GSDMC: variants seen among roughly 807,000 people sequenced by gnomAD.
The protein encoded by GSDMC is gasdermin C, also known as gasdermin-C.
In GSDMC, 59 loss-of-function variants were observed where a neutral mutation model predicts 58.0. That is an observed-to-expected ratio of 1.02 (90% CI 0.82 to 1.26). GSDMC has a LOEUF of 1.26. Among genes scored for constraint, GSDMC ranks in the 50% most tolerant of loss-of-function variants. The pLI, the probability that GSDMC is intolerant of heterozygous loss-of-function variation, is 0.00. For synonymous variants in GSDMC, 241 were observed against 220.2 expected (o/e 1.09, Z -0.83); for missense variants, 659 against 598.5 (o/e 1.10, Z -1.06).
At chr8:129,741,356 G>A in the GSDMC span, among the ~76,000 whole-genome samples, 3 of 151,812 alleles carry the variant, frequency 2.0e-5, no homozygotes, top group African/African-American at 7.3e-5. Flanking sequence ...TGAATTTGGG[G>A]GTTTTTTTCT....
chr8:129,735,239 CAG>C, the GSDMC span, among the ~76,000 whole-genome samples: 1 of 152,176 alleles, frequency 6.6e-6, no homozygotes, highest in African/African-American at 2.4e-5. Flanking sequence ...TAATATTAGA[CAG>C]ATCAACGAGA....
At chr8:129,782,573 A>G (rs1445783172) in intron 1 of GSDMC, among the ~76,000 whole-genome samples, 1 of 152,188 alleles carries the variant, frequency 6.6e-6, no homozygotes, top group Non-Finnish European at 1.5e-5. Flanking sequence ...GGCAGCTACT[A>G]TGAGCAACTA....
chr8:129,708,407 C>T, the GSDMC span, among the ~76,000 whole-genome samples: 3,434 of 152,304 alleles, frequency 0.023, 136 homozygotes, highest in African/African-American at 0.077. Context: ...ATGGCAAATG[C>T]GGCTCTGTCT....
chr8:129,716,076 C>A, the GSDMC span, among the ~76,000 whole-genome samples: 1 of 152,002 alleles, frequency 6.6e-6, no homozygotes, highest in African/African-American at 2.4e-5. Context: ...ATTACTCATT[C>A]CGAAAGAAGG....
intron 3 of GSDMC, among the ~76,000 whole-genome samples, chr8:129,767,890 A>G (rs1315339730): frequency 3.3e-5 from 5 of 152,158 alleles, no homozygotes; most frequent in Non-Finnish European, 5.9e-5. Flanking sequence ...CCAATTATAT[A>G]CCCTGAACAA....
At chr8:129,705,525 C>A in the GSDMC span, 1 of 153,024 alleles carries the variant, frequency 6.5e-6, no homozygotes, top group African/African-American at 2.4e-5. Context: ...GAAGGGGAAG[C>A]AAACACGTCC....
chr8:129,750,864 T>A (rs2033161560), intron 10 of GSDMC, among the ~76,000 whole-genome samples: 1 of 152,210 alleles, frequency 6.6e-6, no homozygotes. Flanking sequence ...AGTGGTCATT[T>A]CTGGGACATG....
intron 6 of GSDMC, among the ~76,000 whole-genome samples, chr8:129,760,315 C>G (rs1230073361): frequency 6.6e-6 from 1 of 151,990 alleles, no homozygotes; most frequent in Non-Finnish European, 1.5e-5. Flanking sequence ...AACAGGGTGA[C>G]TACAGTCAAA....
Position 129,777,457 on chromosome 8 carries a change from T to C in GSDMC, c.131A>G (p.Asp44Gly), listed in dbSNP as rs750087595. The C allele has an allele frequency of 5.6e-6, 9 of 1,613,348 alleles. No individual in the cohort carries two copies. The South Asian group carries it at 9.9e-5, about 18-fold the overall frequency. ...RQFVILRKKKDSRSSFWEQSD... is the reference protein window; with the variant it reads ...RQFVILRKKKGSRSSFWEQSD... ...TTGTTCCCAAAATGATGAACGAGAATCCTTCTTCTTTCGTAATATAACAAA... is the reference window on the plus strand; with the variant it reads ...TTGTTCCCAAAATGATGAACGAGAACCCTTCTTCTTTCGTAATATAACAAA... Residue 44 changes from aspartate to glycine, a missense_variant, in exon 2 of 14, where the codon GAT (aspartate) becomes GGT (glycine). By Grantham distance (94) the Asp-to-Gly change is moderately conservative. Transcript: ENST00000276708.
chr8:129,727,142 T>G, the GSDMC span, among the ~76,000 whole-genome samples: 1 of 152,160 alleles, frequency 6.6e-6, no homozygotes, highest in East Asian at 1.9e-4. Context: ...CCCTTGCAGA[T>G]GTATTTAGCT....
the GSDMC span, among the ~76,000 whole-genome samples, chr8:129,742,709 C>T: frequency 6.6e-6 from 1 of 152,152 alleles, no homozygotes; most frequent in African/African-American, 2.4e-5. Context: ...AGAGGGCTCA[C>T]CTTGGTTTTC....
At chr8:129,710,233 G>T in the GSDMC span, among the ~76,000 whole-genome samples, 2 of 152,144 alleles carry the variant, frequency 1.3e-5, no homozygotes, top group African/African-American at 2.4e-5. Context: ...ACAGTACAGT[G>T]CTTGTATACA....
chr8:129,755,168 A>G (rs2033377879), intron 6 of GSDMC, among the ~76,000 whole-genome samples: 1 of 152,218 alleles, frequency 6.6e-6, no homozygotes, highest in South Asian at 2.1e-4. Flanking sequence ...AAGGTGTCTC[A>G]TAATCAAACT....
At chr8:129,729,270 G>C in the GSDMC span, 11 of 617,394 alleles carry the variant, frequency 1.8e-5, no homozygotes, top group Middle Eastern at 5.0e-4. Context: ...GTATCTGCCA[G>C]TATTGGGGGT....
At chr8:129,762,862 C>A (rs751018636) in intron 4 of GSDMC, 131 bp from the exon 5 acceptor site, 2 of 592,698 alleles carry the variant, frequency 3.4e-6, no homozygotes, top group Non-Finnish European at 6.0e-6. Flanking sequence ...CTTCTGATTT[C>A]CAATCACTGC....
the GSDMC span, among the ~76,000 whole-genome samples, chr8:129,740,167 G>C: frequency 6.6e-6 from 1 of 152,166 alleles, no homozygotes; most frequent in Admixed American, 6.5e-5. Context: ...TATTATAAAA[G>C]AGTCAAAAGG....
rs1215090371 is a variant in GSDMC at position 129,750,443 on chromosome 8, G to A, written c.1071C>T (p.Asp357=). 1 of 1,613,880 alleles carries A rather than the reference G, an allele frequency of 6.2e-7. No individual in the cohort carries two copies. The highest frequency in any genetic ancestry group is 1.7e-5 in the Admixed American group (1 of 59,982). Residue 357 remains aspartate, a synonymous_variant, in exon 11 of 14, where the codon GAC becomes GAT. Coordinates refer to ENST00000276708, the MANE Select transcript of GSDMC (RefSeq NM_031415.3). ...AMLRDRGALQ[D]LMNMLELDSS... ...TGGAGCCCCTCACCATGTTCATCAG[G>A]TCCTGTAGAGCCCCTCTGTCTCTGA...
chr8:129,738,328 A>G, the GSDMC span, among the ~76,000 whole-genome samples: 5 of 152,260 alleles, frequency 3.3e-5, no homozygotes, highest in Admixed American at 6.5e-5. Flanking sequence ...AAAGGATTAT[A>G]AATCATGCTA....
chr8:129,745,215 T>A (rs2032935634), downstream of GSDMC, among the ~76,000 whole-genome samples: 1 of 152,258 alleles, frequency 6.6e-6, no homozygotes, highest in Admixed American at 6.5e-5. Context: ...CTATTAGCAC[T>A]GTTTATATCA....
Sources: allele counts gnomAD v4.1 joint callset (sites outside exome capture counted in the v4.1 genomes callset), GRCh38; gene constraint gnomAD v4.1.1; transcripts MANE v1.5; gene names NCBI Gene and HGNC (gene_info 2026-07-23, HGNC 2026-07-21).